The following LYPLAL1 variants were observed in gnomAD, a reference collection of about 807,000 sequenced individuals.
LYPLAL1 encodes the protein lysophospholipase like 1.
In LYPLAL1, 23 loss-of-function variants were observed where a neutral mutation model predicts 19.7. The observed-to-expected ratio is 1.17, with a 90% CI of 0.84 to 1.65. The LOEUF (loss-of-function observed/expected upper bound fraction) is 1.65. Ranked by LOEUF, LYPLAL1 falls within the 40% of genes most tolerant of loss-of-function variation. LYPLAL1 has a pLI of 0.00. For missense variants in LYPLAL1, 355 were observed against 279.4 expected, an observed-to-expected ratio of 1.27 and a Z score of -1.93; for synonymous variants, 119 against 96.3, an observed-to-expected ratio of 1.24 and a Z score of -1.38.
At chr1:219,340,695 A>T in the LYPLAL1 span, among the ~76,000 whole-genome samples, 2 of 152,016 alleles carry the variant, frequency 1.3e-5, no homozygotes, top group Non-Finnish European at 2.9e-5. Context: ...GTCATTAAAA[A>T]ATATATATAT....
the LYPLAL1 span, among the ~76,000 whole-genome samples, chr1:219,267,442 C>T: frequency 3.3e-5 from 5 of 152,112 alleles, no homozygotes; most frequent in Non-Finnish European, 7.4e-5. Flanking sequence ...CTAGATGAAG[C>T]CCCAGTAAAC....
At chr1:219,259,917 G>T in the LYPLAL1 span, among the ~76,000 whole-genome samples, 1 of 146,346 alleles carries the variant, frequency 6.8e-6, no homozygotes, top group Non-Finnish European at 1.5e-5. Context: ...ATGACTAAAA[G>T]AAGTTTGAGT....
chr1:219,355,333 A>C, the LYPLAL1 span, among the ~76,000 whole-genome samples: 4 of 152,258 alleles, frequency 2.6e-5, no homozygotes, highest in Non-Finnish European at 4.4e-5. Context: ...AAGCAAATAA[A>C]GGAGATAAAA....
At chr1:219,266,508 CT>C in the LYPLAL1 span, among the ~76,000 whole-genome samples, 1,047 of 151,126 alleles carry the variant, frequency 6.9e-3, 3 homozygotes, top group Non-Finnish European at 0.01. Flanking sequence ...TCACAGTTAA[CT>C]TTTTTTTTAA....
At chr1:219,424,853 A>T in the LYPLAL1 span, among the ~76,000 whole-genome samples, 14 of 152,232 alleles carry the variant, frequency 9.2e-5, no homozygotes, top group Admixed American at 2.6e-4. Flanking sequence ...TGACCTCTCT[A>T]TCCCTGTTTT....
intron 2 of LYPLAL1, among the ~76,000 whole-genome samples, chr1:219,185,389 A>C (rs1013919852): frequency 6.6e-6 from 1 of 151,314 alleles, no homozygotes; most frequent in Non-Finnish European, 1.5e-5. Context: ...TTTCATTTAT[A>C]TTTATTCTTA....
the LYPLAL1 span, among the ~76,000 whole-genome samples, chr1:219,218,921 C>T: frequency 6.6e-6 from 1 of 152,130 alleles, no homozygotes; most frequent in Non-Finnish European, 1.5e-5. Flanking sequence ...AAACAAATCC[C>T]ATGATTAAGG....
the LYPLAL1 span, among the ~76,000 whole-genome samples, chr1:219,351,160 T>G: frequency 5.3e-5 from 8 of 151,492 alleles, no homozygotes; most frequent in African/African-American, 1.2e-4. Flanking sequence ...CCAAATAGAT[T>G]AACAGTTTCA....
chr1:219,348,678 G>A, the LYPLAL1 span, among the ~76,000 whole-genome samples: 1 of 152,164 alleles, frequency 6.6e-6, no homozygotes, highest in Non-Finnish European at 1.5e-5. Context: ...GCAGCCAGCT[G>A]TCTAGCAAAT....
At chr1:219,219,128 T>C in the LYPLAL1 span, among the ~76,000 whole-genome samples, 5 of 152,302 alleles carry the variant, frequency 3.3e-5, no homozygotes, top group South Asian at 1.0e-3. Context: ...TGGACCTGAA[T>C]GCTTCCAGGG....
the LYPLAL1 span, among the ~76,000 whole-genome samples, chr1:219,287,453 C>T: frequency 1.3e-5 from 2 of 152,130 alleles, no homozygotes; most frequent in Non-Finnish European, 2.9e-5. Flanking sequence ...CAGTGTGTAT[C>T]TTCAGGGATA....
the LYPLAL1 span, among the ~76,000 whole-genome samples, chr1:219,305,627 A>G: frequency 4.7e-4 from 71 of 152,310 alleles, 1 homozygote; most frequent in African/African-American, 1.7e-3. Context: ...TAATGGCACA[A>G]TGGCAGAAAG....
At chr1:219,295,551 A>ATGTC in the LYPLAL1 span, among the ~76,000 whole-genome samples, 1 of 152,162 alleles carries the variant, frequency 6.6e-6, no homozygotes, top group South Asian at 2.1e-4. Context: ...TTAGCAGAAA[A>ATGTC]TGTCTGTTCT....
chr1:219,389,104 G>C, the LYPLAL1 span, among the ~76,000 whole-genome samples: 1 of 152,144 alleles, frequency 6.6e-6, no homozygotes, highest in East Asian at 1.9e-4. Flanking sequence ...TCAAATGAAA[G>C]AATATGATTG....
chr1:219,255,442 A>G, the LYPLAL1 span, among the ~76,000 whole-genome samples: 1 of 151,818 alleles, frequency 6.6e-6, no homozygotes, highest in African/African-American at 2.4e-5. Context: ...TAATGTTTTT[A>G]TTGGTCTAAT....
the LYPLAL1 span, among the ~76,000 whole-genome samples, chr1:219,345,335 T>G: frequency 6.6e-5 from 10 of 152,168 alleles, no homozygotes; most frequent in Non-Finnish European, 1.2e-4. Flanking sequence ...AATGTGTAAT[T>G]TAATGGATAA....
At chr1:219,264,498 G>A in the LYPLAL1 span, among the ~76,000 whole-genome samples, 6 of 152,188 alleles carry the variant, frequency 3.9e-5, no homozygotes, top group Non-Finnish European at 7.3e-5. Context: ...ATTTTCCAAA[G>A]TAGACTTCAT....
At chr1:219,179,269 T>A in intron 2 of LYPLAL1, 23 bp downstream of exon 2, 1 of 1,503,682 alleles carries the variant, frequency 6.7e-7, no homozygotes, top group South Asian at 1.1e-5. Flanking sequence ...TTATCTCACT[T>A]GTCAATATAA....
At chr1:219,238,345 G>A in the LYPLAL1 span, among the ~76,000 whole-genome samples, 1 of 126,310 alleles carries the variant, frequency 7.9e-6, no homozygotes, top group East Asian at 2.2e-4. Flanking sequence ...TAGAGACGGG[G>A]TTTCACTGTG....
Sources: gnomAD v4.1 joint callset for allele counts (sites outside exome capture counted in the v4.1 genomes callset) on GRCh38, gnomAD v4.1.1 for gene constraint, MANE v1.5 for transcripts, NCBI Gene and HGNC (gene_info 2026-07-23, HGNC 2026-07-21) for gene names.